The following RIMS2 variants were observed in gnomAD, a reference collection of about 807,000 sequenced individuals.
The protein encoded by RIMS2 is regulating synaptic membrane exocytosis 2.
Under a neutral mutation model 174.4 loss-of-function variants are expected in RIMS2, and 59 were observed. That is an observed-to-expected ratio of 0.34 (90% CI 0.27 to 0.42). The LOEUF (loss-of-function observed/expected upper bound fraction) is 0.42, where lower values mean the gene tolerates loss of function less well. RIMS2 is among the 10% of genes least tolerant of loss of function. The pLI is 1.00. For missense variants in RIMS2, 1,620 were observed against 1,666.3 expected (o/e 0.97, Z 0.48); for synonymous variants, 606 against 572.5 (o/e 1.06, Z -0.84).
At chr8:104,022,377 T>C (rs80102495) in intron 19 of RIMS2, among the ~76,000 whole-genome samples, 4,550 of 147,006 alleles carry the variant, frequency 0.031, 191 homozygotes, top group African/African-American at 0.1. Flanking sequence ...GTGTCAGATT[T>C]CTCTCTTTTT....
chr8:104,125,890 T>G (rs2098424782), intron 19 of RIMS2, among the ~76,000 whole-genome samples: 1 of 152,218 alleles, frequency 6.6e-6, no homozygotes, highest in African/African-American at 2.4e-5. Context: ...AAATAGTTGA[T>G]GAATAAATGA....
chr8:103,747,388 G>A (rs948855250), intron 2 of RIMS2, among the ~76,000 whole-genome samples: 8 of 151,214 alleles, frequency 5.3e-5, no homozygotes, highest in Non-Finnish European at 1.2e-4. Flanking sequence ...AAGGAGTTTG[G>A]CATTTATTTG....
At chr8:104,100,957 G>GAT (rs2097871216) in intron 19 of RIMS2, among the ~76,000 whole-genome samples, 1 of 117,210 alleles carries the variant, frequency 8.5e-6, no homozygotes, top group Admixed American at 8.8e-5. Flanking sequence ...TAGTATATAT[G>GAT]ATATATTATA....
At chr8:103,578,449 T>A (rs1563855480) in intron 1 of RIMS2, among the ~76,000 whole-genome samples, 1 of 151,970 alleles carries the variant, frequency 6.6e-6, no homozygotes, top group Non-Finnish European at 1.5e-5. Context: ...GAGAATCATT[T>A]GAGCCTGGGA....
At chr8:104,185,631 A>G (rs2098963927) in intron 19 of RIMS2, among the ~76,000 whole-genome samples, 1 of 151,710 alleles carries the variant, frequency 6.6e-6, no homozygotes, top group South Asian at 2.1e-4. Flanking sequence ...GATATATGAG[A>G]CAATGCTCAT....
chr8:103,817,673 A>T (rs1200658071), intron 3 of RIMS2, among the ~76,000 whole-genome samples: 1 of 152,114 alleles, frequency 6.6e-6, no homozygotes. Flanking sequence ...CCAGCTACTC[A>T]GGAGGCTGAG....
At position 104,251,009 on chromosome 8, in the gene RIMS2, G is replaced by A. The variant is rs6468912; in HGVS notation, c.3692-15G>A. 4,083 of 1,608,930 alleles carry A rather than the reference G, an allele frequency of 2.5e-3. 87 individuals carry two copies. The African/African-American group carries it at 0.047, about 19-fold the overall frequency. On this transcript the variant is annotated splice_polypyrimidine_tract_variant and intron_variant, in intron 22 of 23. Transcript: ENST00000504942. ...TAGTTTATTGCTCATTCTCCTCTGT[G>A]TTTTCTTTCCCAAGCACCGTATGTA...
chr8:103,630,471 T>G (rs2095884719), intron 1 of RIMS2, among the ~76,000 whole-genome samples: 1 of 146,514 alleles, frequency 6.8e-6, no homozygotes, highest in Non-Finnish European at 1.5e-5. Flanking sequence ...TAGAAACAGA[T>G]AGATAGGAAA....
intron 3 of RIMS2, among the ~76,000 whole-genome samples, chr8:103,806,823 G>T (rs914354395): frequency 6.6e-6 from 1 of 152,080 alleles, no homozygotes; most frequent in African/African-American, 2.4e-5. Context: ...CGATAGATTT[G>T]ATTTGTGTGG....
chr8:103,747,899 G>A (rs540588290), intron 2 of RIMS2, among the ~76,000 whole-genome samples: 4 of 152,246 alleles, frequency 2.6e-5, no homozygotes, highest in African/African-American at 9.6e-5. Context: ...ATTTTGTGCT[G>A]TGGTAGTGTT....
chr8:104,118,406 G>A (rs138450753), intron 19 of RIMS2, among the ~76,000 whole-genome samples: 17 of 137,508 alleles, frequency 1.2e-4, no homozygotes, highest in Non-Finnish European at 2.0e-4. Context: ...TTGTTCTGTC[G>A]CCCAGGCTGG....
chr8:103,717,170 T>A (rs555450331), intron 2 of RIMS2, among the ~76,000 whole-genome samples: 1 of 145,702 alleles, frequency 6.9e-6, no homozygotes, highest in South Asian at 2.1e-4. Flanking sequence ...TTTTACCAGT[T>A]GGAGCCTTTT....
At chr8:103,980,173 T>A (rs1476900477) in intron 16 of RIMS2, among the ~76,000 whole-genome samples, 1 of 152,104 alleles carries the variant, frequency 6.6e-6, no homozygotes, top group Non-Finnish European at 1.5e-5. Flanking sequence ...TTAAAGTGTC[T>A]CTTTCCTTCT....
intron 19 of RIMS2, among the ~76,000 whole-genome samples, chr8:104,108,442 C>G (rs909493018): frequency 2.6e-5 from 4 of 151,950 alleles, no homozygotes; most frequent in African/African-American, 9.7e-5. Flanking sequence ...CAGGCATGCA[C>G]CACCACACCT....
intron 19 of RIMS2, among the ~76,000 whole-genome samples, chr8:104,044,842 A>G (rs531094979): frequency 2.0e-4 from 30 of 151,882 alleles, no homozygotes; most frequent in African/African-American, 6.5e-4. Flanking sequence ...ACATAAGCCT[A>G]GAGATAAATA....
rs186033540 is a variant in RIMS2 at position 103,673,363 on chromosome 8, A to C, written c.177-23723A>C. Among the ~76,000 whole-genome samples the C allele has an allele frequency of 7.9e-5, 12 of 151,994 alleles. No homozygotes were observed. The East Asian group carries it at 2.3e-3, about 29-fold the overall frequency. On this transcript the variant is annotated intron_variant, in intron 1 of 23. Transcript: ENST00000504942. ...CTCCAACCCCACATTTCTCCTCTGCACTCTCCTAGTAGAGATTCTCTGTGA... is the reference window on the plus strand; with the variant it reads ...CTCCAACCCCACATTTCTCCTCTGCCCTCTCCTAGTAGAGATTCTCTGTGA...
intron 4 of RIMS2, among the ~76,000 whole-genome samples, chr8:103,892,467 G>T (rs2099252312): frequency 6.6e-6 from 1 of 151,852 alleles, no homozygotes; most frequent in African/African-American, 2.4e-5. Flanking sequence ...GCCTCCCAAA[G>T]TGCTGGGACT....
At chr8:103,962,399 T>C (rs2090426493) in intron 15 of RIMS2, among the ~76,000 whole-genome samples, 1 of 152,190 alleles carries the variant, frequency 6.6e-6, no homozygotes. Context: ...CTCAAAGTGC[T>C]TACTCTGGAT....
intron 1 of RIMS2, among the ~76,000 whole-genome samples, chr8:103,550,520 A>G (rs1352041289): frequency 1.3e-5 from 2 of 152,200 alleles, no homozygotes; most frequent in Non-Finnish European, 2.9e-5. Flanking sequence ...TCTAAAATTG[A>G]CACCCTAACA....
Sources: gnomAD v4.1 joint callset for allele counts (sites outside exome capture counted in the v4.1 genomes callset) on GRCh38, gnomAD v4.1.1 for gene constraint, MANE v1.5 for transcripts, NCBI Gene and HGNC (gene_info 2026-07-23, HGNC 2026-07-21) for gene names.